The following SMIM10L3 variants were observed in gnomAD, a reference collection of about 807,000 sequenced individuals.
The protein encoded by SMIM10L3 is salivary gland specific protein SAGSIN1.
the SMIM10L3 span, among the ~76,000 whole-genome samples, chr7:6,343,397 CA>C: frequency 1.1e-5 from 1 of 86,994 alleles, no homozygotes; most frequent in Non-Finnish European, 2.3e-5. Flanking sequence ...ATAATAATTT[CA>C]TATATATATA....
the SMIM10L3 span, among the ~76,000 whole-genome samples, chr7:6,345,779 A>T: frequency 6.6e-6 from 1 of 151,104 alleles, no homozygotes; most frequent in African/African-American, 2.4e-5. Flanking sequence ...TATTATTATT[A>T]TTTTTTTGAG....
At chr7:6,347,230 CTTGGCTGGGCGCT>C in the SMIM10L3 span, among the ~76,000 whole-genome samples, 1 of 152,130 alleles carries the variant, frequency 6.6e-6, no homozygotes, top group African/African-American at 2.4e-5. Context: ...ATATCAGTCT[CTTGGCTGGGCGCT>C]GTGGCTGACG....
At chr7:6,348,752 C>T in the SMIM10L3 span, 1 of 408,636 alleles carries the variant, frequency 2.4e-6, no homozygotes. Flanking sequence ...GACAGAGCCG[C>T]CGCCATATAG....
chr7:6,334,109 G>A, the SMIM10L3 span, among the ~76,000 whole-genome samples: 1 of 151,354 alleles, frequency 6.6e-6, no homozygotes, highest in South Asian at 2.1e-4. Context: ...GCCTCCCAAA[G>A]TGCTGGGATT....
At chr7:6,347,422 A>C in the SMIM10L3 span, among the ~76,000 whole-genome samples, 1 of 152,082 alleles carries the variant, frequency 6.6e-6, no homozygotes, top group Admixed American at 6.6e-5. Context: ...AGGCTGAGTC[A>C]GGAGAATCGC....
the SMIM10L3 span, among the ~76,000 whole-genome samples, chr7:6,341,472 A>G: frequency 5.3e-5 from 8 of 149,762 alleles, no homozygotes; most frequent in African/African-American, 1.7e-4. Flanking sequence ...TATTATTATT[A>G]TTATGAGCAC....
the SMIM10L3 span, among the ~76,000 whole-genome samples, chr7:6,331,671 C>T: frequency 3.9e-5 from 6 of 152,024 alleles, no homozygotes; most frequent in South Asian, 4.2e-4. Context: ...TGAGCCACCA[C>T]GCCCGGCCTA....
the SMIM10L3 span, chr7:6,330,401 A>G: frequency 6.2e-7 from 1 of 1,613,450 alleles, no homozygotes; most frequent in South Asian, 1.1e-5. Flanking sequence ...GTATTTGCTA[A>G]TTCAAAAGGT....
chr7:6,334,338 C>G, the SMIM10L3 span, among the ~76,000 whole-genome samples: 1 of 151,324 alleles, frequency 6.6e-6, no homozygotes, highest in Non-Finnish European at 1.5e-5. Context: ...GAGTTCAAGA[C>G]CAGCCTGAAC....
the SMIM10L3 span, among the ~76,000 whole-genome samples, chr7:6,339,095 C>G: frequency 6.6e-6 from 1 of 152,210 alleles, no homozygotes; most frequent in Non-Finnish European, 1.5e-5. Context: ...CACAGCACTT[C>G]TAAATTAGGC....
chr7:6,348,489 T>C, the SMIM10L3 span: 3 of 409,532 alleles, frequency 7.3e-6, no homozygotes, highest in African/African-American at 4.1e-5. Flanking sequence ...TTCTAGGCAG[T>C]GGCAGCTGCC....
chr7:6,330,288 G>A, the SMIM10L3 span: 8 of 1,283,890 alleles, frequency 6.2e-6, no homozygotes, highest in Admixed American at 4.5e-5. Context: ...CCTAAGGGCT[G>A]CACAGTTTGC....
chr7:6,348,813 C>T, the SMIM10L3 span: 1 of 395,768 alleles, frequency 2.5e-6, no homozygotes, highest in Non-Finnish European at 4.5e-6. Flanking sequence ...GCCGCGTCGC[C>T]CCGGCAGCTG....
chr7:6,346,478 C>T, the SMIM10L3 span, among the ~76,000 whole-genome samples: 3 of 152,258 alleles, frequency 2.0e-5, no homozygotes, highest in South Asian at 2.1e-4. Context: ...GCGATCCTCC[C>T]ACCTCAGCCC....
the SMIM10L3 span, chr7:6,330,488 G>A: frequency 1.2e-6 from 2 of 1,614,006 alleles, no homozygotes; most frequent in Non-Finnish European, 8.5e-7. Context: ...TCTATTGTTT[G>A]CTTTGAAAAC....
the SMIM10L3 span, among the ~76,000 whole-genome samples, chr7:6,342,847 G>A: frequency 7.9e-5 from 12 of 151,628 alleles, no homozygotes; most frequent in Admixed American, 7.9e-4. Context: ...GACCACCCTG[G>A]GCAACATAGT....
the SMIM10L3 span, chr7:6,348,727 C>G: frequency 1.2e-5 from 5 of 417,044 alleles, no homozygotes; most frequent in Non-Finnish European, 2.1e-5. Flanking sequence ...GCGCGAGAGC[C>G]GGACAGCCAG....
At chr7:6,348,538 G>T in the SMIM10L3 span, 1 of 420,980 alleles carries the variant, frequency 2.4e-6, no homozygotes, top group Non-Finnish European at 4.2e-6. Flanking sequence ...GGCGCTCGGG[G>T]AGGGCCGGGG....
chr7:6,342,809 G>C, the SMIM10L3 span, among the ~76,000 whole-genome samples: 1 of 152,088 alleles, frequency 6.6e-6, no homozygotes, highest in Non-Finnish European at 1.5e-5. Context: ...GGCTGAGGCA[G>C]GAGGATTAGT....
Sources: gnomAD v4.1 joint callset for allele counts (sites outside exome capture counted in the v4.1 genomes callset) on GRCh38, gnomAD v4.1.1 for gene constraint, MANE v1.5 for transcripts, NCBI Gene and HGNC (gene_info 2026-07-23, HGNC 2026-07-21) for gene names.